Variants in NSMAF observed in about 807,000 individuals in gnomAD.
NSMAF encodes protein FAN.
A neutral mutation model predicts 134.9 loss-of-function variants in NSMAF; 90 were observed. The observed-to-expected ratio is 0.67, with a 90% CI of 0.56 to 0.79. The LOEUF is 0.79. Among genes scored for constraint, NSMAF ranks in the 30% least tolerant of loss-of-function variants. The probability of loss-of-function intolerance (pLI) is 0.00; values close to 1 mark genes in which losing one functional copy is unlikely to be tolerated. For missense variants in NSMAF, 1,010 were observed against 1,119.0 expected (o/e 0.90, Z 1.39); for synonymous variants, 358 against 389.6 (o/e 0.92, Z 0.96).
chr8:58,585,797 C>G, intron 29 of NSMAF, 36 bp from the exon 30 acceptor site: 2 of 1,581,410 alleles, frequency 1.3e-6, no homozygotes, highest in Non-Finnish European at 8.7e-7. Flanking sequence ...CTTTCTTCAT[C>G]ATGAAGGAAG....
chr8:58,605,787 C>T (rs1028460580), intron 12 of NSMAF, 140 bp downstream of exon 12: 4 of 918,422 alleles, frequency 4.4e-6, no homozygotes, highest in Non-Finnish European at 5.8e-6. Context: ...GGCTGAGGCA[C>T]AAGAATCACT....
At chr8:58,585,399 G>C (rs1033980445) in intron 30 of NSMAF, among the ~76,000 whole-genome samples, 5 of 150,792 alleles carry the variant, frequency 3.3e-5, no homozygotes, top group Non-Finnish European at 5.9e-5. Context: ...GCTTTACGAT[G>C]GTTTTTAATT....
chr8:58,584,868 A>ACCTC (rs1410058587), intron 30 of NSMAF, among the ~76,000 whole-genome samples: 1 of 151,778 alleles, frequency 6.6e-6, no homozygotes, highest in Non-Finnish European at 1.5e-5. Flanking sequence ...CAAACTCTTG[A>ACCTC]CCTCCCACTC....
At chr8:58,596,506 A>G (rs1224680406) in intron 21 of NSMAF, among the ~76,000 whole-genome samples, 1 of 152,208 alleles carries the variant, frequency 6.6e-6, no homozygotes, top group East Asian at 1.9e-4. Context: ...TCCAAATATT[A>G]GATGTGAGAA....
chr8:58,599,347 G>A lies in NSMAF; in HGVS notation c.1470C>T (p.Leu490=). ...TTTCCAATGCATCTTTGCTCTTCTG[G>A]AGAAAGTCCTCGGGACCTATTAGAT... ...PPWASSPEDF[L]QKSKDALESN... Residue 490 remains leucine, a synonymous_variant, in exon 19 of 31, where the codon CTC becomes CTT. Transcript: ENST00000038176. 1 of 1,613,966 alleles carries A rather than the reference G, an allele frequency of 6.2e-7. No individual in the cohort carries two copies. The highest frequency in any genetic ancestry group is 8.5e-7 in the Non-Finnish European group (1 of 1,179,948).
At chr8:58,602,931 T>TA (rs779355440) in intron 13 of NSMAF, among the ~76,000 whole-genome samples, 13 of 152,200 alleles carry the variant, frequency 8.5e-5, no homozygotes, top group Non-Finnish European at 1.6e-4. Flanking sequence ...GTGGTACTTA[T>TA]AGGTAATAAT....
intron 6 of NSMAF, among the ~76,000 whole-genome samples, chr8:58,626,651 A>G (rs562466040): frequency 1.3e-5 from 2 of 152,190 alleles, no homozygotes; most frequent in African/African-American, 2.4e-5. Context: ...GCAATTGCAA[A>G]TTGTGTTACT....
At chr8:58,638,479 T>C (rs1383452192) in intron 2 of NSMAF, among the ~76,000 whole-genome samples, 1 of 152,054 alleles carries the variant, frequency 6.6e-6, no homozygotes, top group Non-Finnish European at 1.5e-5. Flanking sequence ...CATCCACATA[T>C]ATGCAGTCAA....
chr8:58,591,055 T>A (rs1806010916), intron 23 of NSMAF, 121 bp from the exon 24 acceptor site: 4 of 1,179,692 alleles, frequency 3.4e-6, no homozygotes, highest in Non-Finnish European at 4.6e-6. Context: ...CAAAGTATAA[T>A]CTTATGGAAA....
chr8:58,628,664 T>C (rs185236227), intron 6 of NSMAF, among the ~76,000 whole-genome samples: 1 of 152,320 alleles, frequency 6.6e-6, no homozygotes, highest in African/African-American at 2.4e-5. Flanking sequence ...TGGTGTTTAG[T>C]ATCTTTTTGT....
In NSMAF at chr8:58,603,406, G is replaced by A. The variant is rs542838247; in HGVS notation, c.869-20C>T. 49 of 1,611,336 alleles carry A rather than the reference G, an allele frequency of 3.0e-5. No individual in the cohort carries two copies. The South Asian group carries it at 4.0e-4, about 13-fold the overall frequency. On this transcript the variant is annotated intron_variant, in intron 12 of 30. Coordinates refer to ENST00000038176, the MANE Select transcript of NSMAF (RefSeq NM_003580.4). ...GGTGCTCTGGGGGAAGAGGACCCACGAGGTCTGCCACTTAACTTCGCAAAC... is the reference window on the plus strand; with the variant it reads ...GGTGCTCTGGGGGAAGAGGACCCACAAGGTCTGCCACTTAACTTCGCAAAC...
At chr8:58,655,239 T>A (rs1366235992) in intron 1 of NSMAF, among the ~76,000 whole-genome samples, 2 of 152,172 alleles carry the variant, frequency 1.3e-5, no homozygotes, top group Non-Finnish European at 2.9e-5. Context: ...CCCAAAGGGC[T>A]GGGATTACAA....
chr8:58,593,371 CAG>C (rs1259521284), intron 23 of NSMAF, among the ~76,000 whole-genome samples: 1 of 152,260 alleles, frequency 6.6e-6, no homozygotes, highest in East Asian at 1.9e-4. Flanking sequence ...ACAATGATAA[CAG>C]AATCTGAGAG....
chr8:58,624,568 T>C (rs529313296), intron 6 of NSMAF, among the ~76,000 whole-genome samples: 17 of 152,270 alleles, frequency 1.1e-4, no homozygotes, highest in African/African-American at 3.9e-4. Context: ...GTTTTCCTTC[T>C]GATGTTGATT....
intron 17 of NSMAF, 28 bp from the exon 18 acceptor site, chr8:58,599,898 G>A (rs1806236678): frequency 1.9e-6 from 3 of 1,613,104 alleles, no homozygotes; most frequent in Non-Finnish European, 2.5e-6. Context: ...AAATAAAAAA[G>A]AACAACAAAC....
chr8:58,628,221 A>C (rs540513955), intron 6 of NSMAF, among the ~76,000 whole-genome samples: 31 of 152,326 alleles, frequency 2.0e-4, no homozygotes, highest in Admixed American at 1.5e-3. Flanking sequence ...CTCTTACTTT[A>C]TACAAAAATC....
intron 16 of NSMAF, among the ~76,000 whole-genome samples, chr8:58,600,539 C>T (rs1345114209): frequency 6.9e-6 from 1 of 144,044 alleles, no homozygotes; most frequent in Non-Finnish European, 1.5e-5. Context: ...AGGAGAATCG[C>T]TTGAACCCGA....
In NSMAF at chr8:58,601,356, G is replaced by A. The variant is rs1273769498; in HGVS notation, c.1217-8C>T. 2 of 1,613,662 alleles carry A rather than the reference G, an allele frequency of 1.2e-6. No homozygotes were observed. Among genetic ancestry groups the A allele is most frequent in the Non-Finnish European group, 8.5e-7 (1 of 1,179,764 alleles). ...ACAGCATATACTCTGGTGCTAGAGGGGAAAAAGTCAGAGGTAAGTCAGGTC... is the reference window on the plus strand; with the variant it reads ...ACAGCATATACTCTGGTGCTAGAGGAGAAAAAGTCAGAGGTAAGTCAGGTC... On this transcript the variant is annotated splice_region_variant and splice_polypyrimidine_tract_variant and intron_variant, in intron 15 of 30. Coordinates refer to ENST00000038176, the MANE Select transcript of NSMAF (RefSeq NM_003580.4).
In NSMAF at chr8:58,648,260, A is replaced by G. The variant is rs114344173; in HGVS notation, c.60-5187T>C. On this transcript the variant is annotated intron_variant, in intron 1 of 30. Transcript: ENST00000038176. The stretch of plus-strand genomic sequence containing the variant: ...AAATTTCTAAGCAGCAAAGGGTTTC[A>G]GAACTGGTCTGGCTGCTTCTAAAAG... Among the ~76,000 whole-genome samples the G allele has an allele frequency of 6.5e-3, 995 of 152,352 alleles. 10 individuals are homozygous for G. Among genetic ancestry groups the G allele is most frequent in the African/African-American group, 0.023 (950 of 41,580 alleles).
Sources: gnomAD v4.1 joint callset for allele counts (sites outside exome capture counted in the v4.1 genomes callset) on GRCh38, gnomAD v4.1.1 for gene constraint, MANE v1.5 for transcripts, NCBI Gene and HGNC (gene_info 2026-07-23, HGNC 2026-07-21) for gene names.